RGS7: variants seen among roughly 807,000 people sequenced by gnomAD.
RGS7 encodes regulator of G-protein signaling 7.
RGS7 carries 27 observed loss-of-function variants against 81.1 expected under a neutral mutation model. The observed-to-expected ratio is 0.33, with a 90% CI of 0.25 to 0.46. The LOEUF (loss-of-function observed/expected upper bound fraction) is 0.46. RGS7 is among the 20% of genes least tolerant of loss of function. RGS7 has a pLI of 1.00. For missense variants in RGS7, 396 were observed against 607.4 expected (o/e 0.65, Z 3.66); for synonymous variants, 208 against 207.7 (o/e 1.00, Z -0.01).
intron 3 of RGS7, among the ~76,000 whole-genome samples, chr1:241,047,940 A>AT (rs1479850768): frequency 6.6e-6 from 1 of 151,924 alleles, no homozygotes; most frequent in African/African-American, 2.4e-5. Context: ...GGGTTTCACC[A>AT]TGTTAGTCAG....
intron 2 of RGS7, among the ~76,000 whole-genome samples, chr1:241,352,816 A>G (rs6684720): frequency 0.97 from 147,067 of 152,364 alleles, 71,196 homozygotes; most frequent in East Asian, 1. Context: ...TAACGAGAGA[A>G]ACATCAAACA....
chr1:241,092,149 G>A (rs955988423), intron 3 of RGS7, among the ~76,000 whole-genome samples: 28 of 152,150 alleles, frequency 1.8e-4, no homozygotes, highest in African/African-American at 4.6e-4. Flanking sequence ...AAGAAACCAC[G>A]TGCTATTTCA....
At chr1:241,214,916 T>C (rs1436540571) in intron 2 of RGS7, among the ~76,000 whole-genome samples, 3 of 152,222 alleles carry the variant, frequency 2.0e-5, no homozygotes, top group African/African-American at 7.2e-5. Flanking sequence ...CTATGGATAC[T>C]ATAACTTTAA....
chr1:241,136,772 A>T (rs534261043), intron 2 of RGS7, among the ~76,000 whole-genome samples: 5 of 152,324 alleles, frequency 3.3e-5, no homozygotes, highest in Admixed American at 3.3e-4. Flanking sequence ...ATGTAAAAAA[A>T]ATTACAAATG....
intron 2 of RGS7, among the ~76,000 whole-genome samples, chr1:241,301,434 T>C (rs2079751470): frequency 6.6e-6 from 1 of 152,172 alleles, no homozygotes; most frequent in Non-Finnish European, 1.5e-5. Flanking sequence ...AGTAAGGAGA[T>C]TTATTCTTGA....
rs567257212 is a variant in RGS7, at chr1:240,832,050, C to T, written c.610-4878G>A. Reference sequence around the variant, plus strand: ...TTCAATCTCGATGAGACCATGTTGTCTTTGGTTATTTAAAAAAAAGTCAAT... The same window carrying T: ...TTCAATCTCGATGAGACCATGTTGTTTTTGGTTATTTAAAAAAAAGTCAAT... On this transcript the variant is annotated intron_variant, in intron 9 of 18. Transcript: ENST00000440928. Among the ~76,000 whole-genome samples the T allele has an allele frequency of 3.9e-5, 6 of 152,146 alleles. No homozygotes were observed. In the South Asian group the frequency reaches 1.2e-3, roughly 32 times the overall value.
intron 5 of RGS7, 45 bp downstream of exon 5, chr1:240,936,555 G>A: frequency 7.1e-7 from 1 of 1,405,494 alleles, no homozygotes; most frequent in Non-Finnish European, 1.0e-6. Context: ...CAAACGAAAT[G>A]CGGGCTTCTA....
At chr1:241,174,126 C>T (rs149897519) in intron 2 of RGS7, among the ~76,000 whole-genome samples, 81 of 152,284 alleles carry the variant, frequency 5.3e-4, no homozygotes, top group African/African-American at 1.8e-3. Flanking sequence ...TGGAGATAAA[C>T]CAAAGAAAAA....
At position 241,334,443 on chromosome 1, in the gene RGS7, T is replaced by G. The variant is rs182973870; in HGVS notation, c.78+21256A>C. Among the ~76,000 whole-genome samples, 21 of 152,176 alleles carry G rather than the reference T, an allele frequency of 1.4e-4. 1 individual carries two copies. Among genetic ancestry groups the G allele is most frequent in the Middle Eastern group, 3.4e-3 (1 of 294 alleles). ...TCCACAACATGGGATTCTTTGATCA[T>G]CTCAGTGATACTCCCCCCAGCCTCA... On this transcript the variant is annotated intron_variant, in intron 2 of 18. Transcript: ENST00000440928.
intron 2 of RGS7, among the ~76,000 whole-genome samples, chr1:241,195,395 G>A (rs950532688): frequency 4.6e-5 from 7 of 152,038 alleles, no homozygotes; most frequent in African/African-American, 1.7e-4. Flanking sequence ...AGAATCACTC[G>A]AACCCGGGAG....
rs909333380 is a variant in RGS7 at position 240,842,378 on chromosome 1, T to C, written c.610-15206A>G. 2.0e-5 allele frequency among the ~76,000 whole-genome samples: 3 copies of C among 151,428 alleles called. No individual in the cohort carries two copies. In the South Asian group the frequency reaches 6.3e-4, roughly 32 times the overall value. ...CATGCCCAGCTAATTTTTATATTTTTAGTAGAGACCACCATGTTGGTCAGG... is the reference window on the plus strand; with the variant it reads ...CATGCCCAGCTAATTTTTATATTTTCAGTAGAGACCACCATGTTGGTCAGG... On this transcript the variant is annotated intron_variant, in intron 9 of 18. Coordinates refer to ENST00000440928, the MANE Select transcript of RGS7 (RefSeq NM_001364886.1).
At chr1:240,809,864 G>A (rs1287384075) in intron 14 of RGS7, among the ~76,000 whole-genome samples, 3 of 152,068 alleles carry the variant, frequency 2.0e-5, no homozygotes, top group Non-Finnish European at 4.4e-5. Context: ...ATGTATATGT[G>A]TGTATGTATA....
At chr1:241,104,938 C>A (rs2065010476) in intron 2 of RGS7, among the ~76,000 whole-genome samples, 1 of 152,128 alleles carries the variant, frequency 6.6e-6, no homozygotes, top group Non-Finnish European at 1.5e-5. Flanking sequence ...CATATGTTTG[C>A]ATTTTCTGAG....
chr1:241,246,899 C>A (rs572720133), intron 2 of RGS7, among the ~76,000 whole-genome samples: 3 of 151,842 alleles, frequency 2.0e-5, no homozygotes, highest in African/African-American at 7.3e-5. Context: ...GTGGCCCTTG[C>A]GCAGAACTGA....
Position 241,164,822 on chromosome 1 carries a change from CT to C in RGS7, c.79-66061del, listed in dbSNP as rs34948625. Among the ~76,000 whole-genome samples, 1 of 151,728 alleles carries C rather than the reference CT, an allele frequency of 6.6e-6. No homozygotes were observed. The highest frequency in any genetic ancestry group is 6.5e-5 in the Admixed American group (1 of 15,268). On this transcript the variant is annotated intron_variant, in intron 2 of 18. Transcript: ENST00000440928. The surrounding 1 kb of genome is among the most constrained non-coding windows in gnomAD (Gnocchi z 4.1). ...TCAATACATTCTAATACCGAGGCAA[CT>C]TTTTTCTCAGTAATCTAAATTTAGG...
At chr1:240,918,193 C>A (rs1456958665) in intron 6 of RGS7, among the ~76,000 whole-genome samples, 2 of 152,042 alleles carry the variant, frequency 1.3e-5, no homozygotes, top group Non-Finnish European at 1.5e-5. Context: ...GTTGACAGAT[C>A]TAGCAGGCAG....
In RGS7 at chr1:240,866,270, G is replaced by C. The variant is rs190156759; in HGVS notation, c.609+2317C>G. On this transcript the variant is annotated intron_variant, in intron 9 of 18. Coordinates refer to ENST00000440928, the MANE Select transcript of RGS7 (RefSeq NM_001364886.1). Reference sequence around the variant, plus strand: ...CTCACGCCTGTAATCCCAGCACTTTGGGAGGCTGAGGCGCGTGGATCACGA... The same window carrying C: ...CTCACGCCTGTAATCCCAGCACTTTCGGAGGCTGAGGCGCGTGGATCACGA... Among the ~76,000 whole-genome samples the C allele has an allele frequency of 2.0e-3, 312 of 152,282 alleles. 2 individuals are homozygous for C. Among genetic ancestry groups the C allele is most frequent in the Non-Finnish European group, 3.1e-3 (208 of 68,020 alleles).
At position 241,044,350 on chromosome 1, in the gene RGS7, T is replaced by A. The variant is rs907196624; in HGVS notation, c.175+54316A>T. Reference sequence around the variant, plus strand: ...GTCTCAAACTCCCGACCTCAAGTGATCTGCCCGCCTTGGCCTCTCAAAGTG... The same window carrying A: ...GTCTCAAACTCCCGACCTCAAGTGAACTGCCCGCCTTGGCCTCTCAAAGTG... On this transcript the variant is annotated intron_variant, in intron 3 of 18. Coordinates refer to ENST00000440928, the MANE Select transcript of RGS7 (RefSeq NM_001364886.1). Among the ~76,000 whole-genome samples, 53 of 152,170 alleles carry A rather than the reference T, an allele frequency of 3.5e-4. 1 individual carries two copies. The highest frequency in any genetic ancestry group is 3.9e-4 in the Admixed American group (6 of 15,266).
chr1:241,128,777 C>CAAAAAAAAA (rs71172680), intron 2 of RGS7, among the ~76,000 whole-genome samples: 3 of 77,942 alleles, frequency 3.8e-5, no homozygotes, highest in African/African-American at 8.7e-5. Flanking sequence ...GAATAATAGG[C>CAAAAAAAAA]AAAAAAAAAA....
Sources: gnomAD v4.1 joint callset for allele counts (sites outside exome capture counted in the v4.1 genomes callset) on GRCh38, gnomAD v4.1.1 for gene constraint, Gnocchi (gnomAD v3.1) non-coding constraint, MANE v1.5 for transcripts, NCBI Gene and HGNC (gene_info 2026-07-23, HGNC 2026-07-21) for gene names.